The following PHLPP1 variants were observed in gnomAD, a reference collection of about 807,000 sequenced individuals.
The protein encoded by PHLPP1 is PH domain leucine-rich repeat-containing protein phosphatase 1.
PHLPP1 carries 42 observed loss-of-function variants against 117.2 expected under a neutral mutation model. The ratio of observed to expected loss-of-function variants is 0.36; its 90% confidence interval spans 0.28 to 0.46. The LOEUF (loss-of-function observed/expected upper bound fraction) is 0.46. Among genes scored for constraint, PHLPP1 ranks in the 20% least tolerant of loss-of-function variants. The pLI is 1.00. For synonymous variants in PHLPP1, 1,042 were observed against 970.7 expected, an observed-to-expected ratio of 1.07 and a Z score of -1.37; for missense variants, 2,084 against 2,241.9, an observed-to-expected ratio of 0.93 and a Z score of 1.42.
chr18:62,896,136 C>G (rs1916557709), intron 6 of PHLPP1, 125 bp downstream of exon 6: 1 of 623,978 alleles, frequency 1.6e-6, no homozygotes, highest in Non-Finnish European at 2.8e-6. Flanking sequence ...TCTATTTCTG[C>G]CTAGAGGGAA....
intron 3 of PHLPP1, among the ~76,000 whole-genome samples, chr18:62,853,477 C>T (rs547721): frequency 0.56 from 84,818 of 151,514 alleles, 24,164 homozygotes; most frequent in Non-Finnish European, 0.62. Context: ...TCAAGCGATT[C>T]TCCTACCTCA....
intron 1 of PHLPP1, among the ~76,000 whole-genome samples, chr18:62,758,921 A>G (rs538769956): frequency 6.6e-6 from 1 of 152,344 alleles, no homozygotes; most frequent in South Asian, 2.1e-4. Context: ...TTTCTAAACT[A>G]AGGAAAAAGG....
At chr18:62,849,675 C>G (rs1915274673) in intron 3 of PHLPP1, among the ~76,000 whole-genome samples, 2 of 143,240 alleles carry the variant, frequency 1.4e-5, no homozygotes, top group Non-Finnish European at 3.0e-5. Context: ...AAAAATCTAC[C>G]AGGCATGGTG....
chr18:62,933,713 C>T (rs913898874), intron 10 of PHLPP1, among the ~76,000 whole-genome samples: 6 of 152,148 alleles, frequency 3.9e-5, no homozygotes, highest in Admixed American at 2.6e-4. Context: ...TGACTAAGAC[C>T]TCGAAGGCAA....
chr18:62,924,200 G>A (rs924879708), intron 10 of PHLPP1, among the ~76,000 whole-genome samples: 7 of 152,136 alleles, frequency 4.6e-5, no homozygotes, highest in Non-Finnish European at 7.4e-5. Flanking sequence ...ATAGCTGCAG[G>A]CATTGGTGAG....
At chr18:62,888,701 T>TAATG (rs1014340942) in intron 4 of PHLPP1, among the ~76,000 whole-genome samples, 1 of 152,112 alleles carries the variant, frequency 6.6e-6, no homozygotes, top group Admixed American at 6.6e-5. Flanking sequence ...TGTCTCAAAA[T>TAATG]AATGAATGAA....
At chr18:62,869,973 A>C (rs1382955658) in intron 4 of PHLPP1, among the ~76,000 whole-genome samples, 1 of 152,104 alleles carries the variant, frequency 6.6e-6, no homozygotes, top group Non-Finnish European at 1.5e-5. Context: ...GCTTACTGCA[A>C]CCTCTGCCTC....
At chr18:62,761,685 A>G (rs1264517030) in intron 1 of PHLPP1, among the ~76,000 whole-genome samples, 1 of 151,798 alleles carries the variant, frequency 6.6e-6, no homozygotes, top group Non-Finnish European at 1.5e-5. Context: ...AAAAGAAATG[A>G]TGGTATTAGT....
intron 1 of PHLPP1, among the ~76,000 whole-genome samples, chr18:62,814,008 A>G (rs1914195803): frequency 6.6e-6 from 1 of 151,686 alleles, no homozygotes; most frequent in Admixed American, 6.6e-5. Context: ...GAATCTTTAG[A>G]GATATAAAGG....
At position 62,736,866 on chromosome 18, in the gene PHLPP1, G is replaced by A. The variant is rs145898483; in HGVS notation, c.1576+19607G>A. 2.6e-3 allele frequency among the ~76,000 whole-genome samples: 400 copies of A among 152,146 alleles called. 2 individuals carry two copies. The highest frequency in any genetic ancestry group is 0.01 in the Middle Eastern group (3 of 294). ...GATATAGACATTATTTATTTACTTG[G>A]TTTTCTTCTAGGAGCCATTTATTTT... On this transcript the variant is annotated intron_variant, in intron 1 of 16. Transcript: ENST00000262719.
intron 1 of PHLPP1, among the ~76,000 whole-genome samples, chr18:62,749,546 T>C (rs1201078913): frequency 6.6e-6 from 1 of 152,200 alleles, no homozygotes; most frequent in Non-Finnish European, 1.5e-5. Context: ...ACAACAGAAA[T>C]TCGTTTTCTC....
intron 4 of PHLPP1, among the ~76,000 whole-genome samples, chr18:62,873,498 G>A (rs370608596): frequency 1.4e-3 from 208 of 152,298 alleles, no homozygotes; most frequent in African/African-American, 4.6e-3. Flanking sequence ...GTTTGTTTAT[G>A]GTTGGTGGTT....
intron 12 of PHLPP1, among the ~76,000 whole-genome samples, chr18:62,958,196 A>G (rs1038980062): frequency 6.6e-6 from 1 of 152,256 alleles, no homozygotes; most frequent in Admixed American, 6.5e-5. Context: ...TGCTGGGATT[A>G]TAAGCGTGAG....
intron 1 of PHLPP1, among the ~76,000 whole-genome samples, chr18:62,770,569 A>C (rs1912728281): frequency 6.6e-6 from 1 of 152,222 alleles, no homozygotes; most frequent in African/African-American, 2.4e-5. Flanking sequence ...AACACCATAC[A>C]TTCTTTTTGC....
chr18:62,863,192 C>CTCTTCTTTTCTT (rs552161972), intron 4 of PHLPP1, among the ~76,000 whole-genome samples: 61 of 151,682 alleles, frequency 4.0e-4, no homozygotes, highest in African/African-American at 1.3e-3. Flanking sequence ...TTTTCTCTCT[C>CTCTTCTTTTCTT]TCTTCTTTTC....
chr18:62,915,651 C>T (rs1046687285), intron 9 of PHLPP1, among the ~76,000 whole-genome samples: 3 of 152,178 alleles, frequency 2.0e-5, no homozygotes, highest in African/African-American at 7.2e-5. Flanking sequence ...TAATCATGGT[C>T]CAAAATATTA....
intron 1 of PHLPP1, among the ~76,000 whole-genome samples, chr18:62,750,824 G>T (rs1225630930): frequency 6.6e-6 from 1 of 151,860 alleles, no homozygotes; most frequent in Non-Finnish European, 1.5e-5. Flanking sequence ...TAAGGTTTAG[G>T]TGACAGGTCA....
Position 62,979,237 on chromosome 18 carries a change from G to T in PHLPP1, c.4960G>T (p.Ala1654Ser). The T allele has an allele frequency of 6.2e-7, 1 of 1,600,384 alleles. No individual in the cohort carries two copies. Among genetic ancestry groups the T allele is most frequent in the Non-Finnish European group, 8.5e-7 (1 of 1,173,338 alleles). ...PLRKPGGYFA[A>S]PAQPDPDDQF... Reference sequence around the variant, plus strand: ...TCGAAAGCCTGGAGGCTATTTTGCTGCCCCGGCTCAGCCGGATCCTGATGA... The same window carrying T: ...TCGAAAGCCTGGAGGCTATTTTGCTTCCCCGGCTCAGCCGGATCCTGATGA... Residue 1654 changes from alanine (A) to serine (S), a missense_variant, in exon 17 of 17, where the codon GCC (alanine) becomes TCC (serine). Transcript: ENST00000262719.
intron 9 of PHLPP1, among the ~76,000 whole-genome samples, chr18:62,916,996 C>T (rs1395802537): frequency 4.0e-5 from 6 of 150,378 alleles, no homozygotes; most frequent in African/African-American, 1.2e-4. Flanking sequence ...TCAGGTGATC[C>T]GCCTGCCTCA....
Sources: gnomAD v4.1 joint callset for allele counts (sites outside exome capture counted in the v4.1 genomes callset) on GRCh38, gnomAD v4.1.1 for gene constraint, MANE v1.5 for transcripts, NCBI Gene and HGNC (gene_info 2026-07-23, HGNC 2026-07-21) for gene names.